Variants in XPR1 observed in about 807,000 individuals in gnomAD.
XPR1 encodes solute carrier family 53 member 1.
A neutral mutation model predicts 87.5 loss-of-function variants in XPR1; 28 were observed. The observed-to-expected ratio is 0.32, with a 90% CI of 0.24 to 0.44. The LOEUF is 0.44. Among genes scored for constraint, XPR1 ranks in the 20% least tolerant of loss-of-function variants. The pLI is 1.00. For synonymous variants in XPR1, 300 were observed against 306.1 expected (o/e 0.98, Z 0.21); for missense variants, 559 against 862.3 (o/e 0.65, Z 4.41).
chr1:180,840,562 GTGTGTATA>G (rs1201193870), intron 11 of XPR1, among the ~76,000 whole-genome samples: 3 of 135,092 alleles, frequency 2.2e-5, no homozygotes, highest in African/African-American at 5.9e-5. Flanking sequence ...GTGTGTGTGT[GTGTGTATA>G]TATATATATA....
intron 2 of XPR1, among the ~76,000 whole-genome samples, chr1:180,754,071 C>T (rs750116442): frequency 1.3e-5 from 2 of 152,172 alleles, no homozygotes; most frequent in Non-Finnish European, 2.9e-5. Context: ...GTCACTCTCT[C>T]GACACTTGTT....
intron 2 of XPR1, among the ~76,000 whole-genome samples, chr1:180,688,699 C>A (rs967241536): frequency 6.6e-6 from 1 of 152,048 alleles, no homozygotes; most frequent in African/African-American, 2.4e-5. Context: ...ACATATAGTA[C>A]CCGTTTGACA....
intron 2 of XPR1, among the ~76,000 whole-genome samples, chr1:180,787,544 A>G (rs1368591887): frequency 2.0e-5 from 3 of 152,112 alleles, no homozygotes; most frequent in Admixed American, 6.5e-5. Flanking sequence ...CTCCCGAAGT[A>G]CTGGGATTAC....
At chr1:180,685,376 G>A (rs957434449) in intron 2 of XPR1, among the ~76,000 whole-genome samples, 1 of 152,208 alleles carries the variant, frequency 6.6e-6, no homozygotes, top group Non-Finnish European at 1.5e-5. Flanking sequence ...TGTGCTGCTG[G>A]ATTTGGTTTG....
At chr1:180,740,867 C>T (rs1475895460) in intron 2 of XPR1, among the ~76,000 whole-genome samples, 1 of 152,188 alleles carries the variant, frequency 6.6e-6, no homozygotes, top group Non-Finnish European at 1.5e-5. Flanking sequence ...TTTCTGGCCC[C>T]TAGATGACTG....
At position 180,736,705 on chromosome 1, in the gene XPR1, T is replaced by C. The variant is rs552767218; in HGVS notation, c.122-51048T>C. The stretch of plus-strand genomic sequence containing the variant: ...ACATCAACAAAATAGGAACAAGAAA[T>C]GAAGAACACATAAACACTTGTAAGA... On this transcript the variant is annotated intron_variant, in intron 2 of 14. Transcript: ENST00000367590. Among the ~76,000 whole-genome samples, 5 of 152,260 alleles carry C rather than the reference T, an allele frequency of 3.3e-5. No individual in the cohort carries two copies. The East Asian group carries it at 7.7e-4, about 23-fold the overall frequency.
chr1:180,811,264 T>G, intron 6 of XPR1, 143 bp from the exon 7 acceptor site: 5 of 691,950 alleles, frequency 7.2e-6, no homozygotes, highest in Non-Finnish European at 1.2e-5. Context: ...GTTGATTCTC[T>G]GGTTCAGATT....
At chr1:180,658,406 A>G (rs1197984047) in intron 1 of XPR1, among the ~76,000 whole-genome samples, 1 of 152,206 alleles carries the variant, frequency 6.6e-6, no homozygotes, top group African/African-American at 2.4e-5. Context: ...CCCATTCAGT[A>G]TAATACTAGC....
chr1:180,685,444 T>G (rs1320419240), intron 2 of XPR1, among the ~76,000 whole-genome samples: 1 of 152,164 alleles, frequency 6.6e-6, no homozygotes, highest in Non-Finnish European at 1.5e-5. Context: ...GGTCTAAAAT[T>G]CTCTTTTTTT....
intron 1 of XPR1, among the ~76,000 whole-genome samples, chr1:180,633,294 G>C (rs1256573456): frequency 1.3e-5 from 2 of 152,212 alleles, no homozygotes; most frequent in African/African-American, 4.8e-5. Context: ...TGGCAATTCA[G>C]CTCCTGGATA....
chr1:180,764,351 C>T (rs1368418009), intron 2 of XPR1, among the ~76,000 whole-genome samples: 1 of 151,842 alleles, frequency 6.6e-6, no homozygotes, highest in East Asian at 1.9e-4. Flanking sequence ...TGCAAATATT[C>T]CAAAATCCAA....
chr1:180,725,584 GA>G (rs1469885813), intron 2 of XPR1, among the ~76,000 whole-genome samples: 1 of 152,150 alleles, frequency 6.6e-6, no homozygotes, highest in Non-Finnish European at 1.5e-5. Flanking sequence ...TAATTAAAGA[GA>G]AACATATTTT....
At chr1:180,731,354 C>T (rs1045039935) in intron 2 of XPR1, among the ~76,000 whole-genome samples, 1 of 152,158 alleles carries the variant, frequency 6.6e-6, no homozygotes, top group Non-Finnish European at 1.5e-5. Flanking sequence ...GATGGAAGCT[C>T]AGTCTCAAAT....
intron 2 of XPR1, among the ~76,000 whole-genome samples, chr1:180,723,143 G>T (rs943337914): frequency 4.6e-5 from 7 of 152,104 alleles, no homozygotes; most frequent in African/African-American, 1.7e-4. Flanking sequence ...TTGTTTGATA[G>T]AAGTGTTCTA....
intron 13 of XPR1, among the ~76,000 whole-genome samples, chr1:180,879,347 CTGT>C (rs1319068976): frequency 1.3e-5 from 2 of 152,208 alleles, no homozygotes; most frequent in African/African-American, 2.4e-5. Context: ...CTTCATTCTC[CTGT>C]TGTTCTCTCA....
chr1:180,711,043 A>G (rs1657760204), intron 2 of XPR1, among the ~76,000 whole-genome samples: 1 of 143,712 alleles, frequency 7.0e-6, no homozygotes, highest in South Asian at 2.2e-4. Flanking sequence ...GGGGCTCCTC[A>G]CTTCTCAGAC....
chr1:180,828,628 T>G (rs1269567195), intron 9 of XPR1, among the ~76,000 whole-genome samples: 1 of 152,214 alleles, frequency 6.6e-6, no homozygotes, highest in African/African-American at 2.4e-5. Flanking sequence ...GGTGTTGTCA[T>G]TTAGTAACTA....
At chr1:180,675,561 G>A (rs559509741) in intron 1 of XPR1, among the ~76,000 whole-genome samples, 2 of 152,250 alleles carry the variant, frequency 1.3e-5, no homozygotes, top group African/African-American at 4.8e-5. Flanking sequence ...TAAGTTAACA[G>A]AAATTAGAGT....
intron 2 of XPR1, among the ~76,000 whole-genome samples, chr1:180,728,059 A>T (rs1658415920): frequency 6.6e-6 from 1 of 152,104 alleles, no homozygotes; most frequent in Admixed American, 6.5e-5. Context: ...TTTCAGTCTC[A>T]TTTTACCCAG....
Sources: gnomAD v4.1 joint callset for allele counts (sites outside exome capture counted in the v4.1 genomes callset) on GRCh38, gnomAD v4.1.1 for gene constraint, MANE v1.5 for transcripts, NCBI Gene and HGNC (gene_info 2026-07-23, HGNC 2026-07-21) for gene names.